Variants in TCERG1L observed in about 807,000 individuals in gnomAD.
TCERG1L encodes transcription elongation regulator 1-like protein.
A neutral mutation model predicts 56.3 loss-of-function variants in TCERG1L; 37 were observed. The ratio of observed to expected loss-of-function variants is 0.66; its 90% CI spans 0.51 to 0.87. The LOEUF (loss-of-function observed/expected upper bound fraction) is 0.87. Ranked by LOEUF, TCERG1L falls within the 40% of genes least tolerant of loss-of-function variation. The probability of loss-of-function intolerance (pLI) is 0.00; values close to 1 mark genes in which losing one functional copy is unlikely to be tolerated. For synonymous variants in TCERG1L, 324 were observed against 326.3 expected (o/e 0.99, Z 0.08); for missense variants, 799 against 774.2 (o/e 1.03, Z -0.38).
intron 3 of TCERG1L, among the ~76,000 whole-genome samples, chr10:131,275,829 G>A (rs1040122325): frequency 1.3e-5 from 2 of 152,216 alleles, no homozygotes; most frequent in African/African-American, 4.8e-5. Context: ...ATCAGCTGGT[G>A]GGGCAGATGG....
chr10:131,282,066 G>A (rs1306629340), intron 3 of TCERG1L, among the ~76,000 whole-genome samples: 1 of 147,880 alleles, frequency 6.8e-6, no homozygotes, highest in Non-Finnish European at 1.5e-5. Context: ...AACCCGGGAA[G>A]CGGAGCTTGC....
chr10:131,158,298 G>A (rs1845944583), intron 6 of TCERG1L, among the ~76,000 whole-genome samples: 1 of 152,190 alleles, frequency 6.6e-6, no homozygotes, highest in Non-Finnish European at 1.5e-5. Flanking sequence ...GTGCATATCA[G>A]AAAAATGCTG....
chr10:131,275,949 C>A (rs1468812155), intron 3 of TCERG1L, among the ~76,000 whole-genome samples: 1 of 152,130 alleles, frequency 6.6e-6, no homozygotes, highest in African/African-American at 2.4e-5. Context: ...TTTGCCTCCC[C>A]CAGACTCACT....
chr10:131,169,835 G>A (rs1046881708), intron 4 of TCERG1L, among the ~76,000 whole-genome samples: 5 of 152,170 alleles, frequency 3.3e-5, no homozygotes, highest in Admixed American at 6.5e-5. Flanking sequence ...CGAGGAGGCC[G>A]TAAGCCCATA....
intron 3 of TCERG1L, among the ~76,000 whole-genome samples, chr10:131,289,397 T>C (rs1296440101): frequency 1.3e-5 from 2 of 152,250 alleles, no homozygotes; most frequent in African/African-American, 2.4e-5. Context: ...GAAATAAAAG[T>C]GCCCACTTAT....
intron 4 of TCERG1L, among the ~76,000 whole-genome samples, chr10:131,220,861 C>A (rs1845723877): frequency 6.6e-6 from 1 of 152,218 alleles, no homozygotes. Context: ...AACCACTGTG[C>A]CCAGTCCGCC....
rs924681700 is a variant in TCERG1L, at chr10:131,174,457, A to C, written c.857-7572T>G. On this transcript the variant is annotated intron_variant, in intron 4 of 11. Coordinates refer to ENST00000368642, the MANE Select transcript of TCERG1L (RefSeq NM_174937.4). ...CGGTTGGAGAGGGCTCAGGTCAGCCAGGGCTCCAGAGGTCCCCTGGTCGGG... is the reference window on the plus strand; with the variant it reads ...CGGTTGGAGAGGGCTCAGGTCAGCCCGGGCTCCAGAGGTCCCCTGGTCGGG... 2.0e-5 allele frequency among the ~76,000 whole-genome samples: 3 copies of C among 152,190 alleles called. No individual in the cohort carries two copies. The East Asian group carries it at 5.8e-4, about 30-fold the overall frequency.
chr10:131,194,843 C>T (rs554362563), intron 4 of TCERG1L, among the ~76,000 whole-genome samples: 6 of 152,138 alleles, frequency 3.9e-5, no homozygotes, highest in Non-Finnish European at 7.4e-5. Context: ...ATCTGAGTCC[C>T]GGAAACATAT....
chr10:131,192,845 T>C (rs1845318696), intron 4 of TCERG1L, among the ~76,000 whole-genome samples: 1 of 143,762 alleles, frequency 7.0e-6, no homozygotes. Context: ...AAATAGACAC[T>C]GGAGACTAAG....
At chr10:131,202,699 C>A (rs1173188297) in intron 4 of TCERG1L, among the ~76,000 whole-genome samples, 1 of 152,174 alleles carries the variant, frequency 6.6e-6, no homozygotes, top group Non-Finnish European at 1.5e-5. Flanking sequence ...ATCCTCTCCA[C>A]ATTTTCAGGA....
intron 6 of TCERG1L, among the ~76,000 whole-genome samples, chr10:131,148,553 C>T (rs1433066680): frequency 1.4e-5 from 2 of 144,610 alleles, no homozygotes; most frequent in Non-Finnish European, 3.1e-5. Context: ...CACACACATG[C>T]AGAGAAACAC....
chr10:131,097,410 C>G lies in TCERG1L; in HGVS notation c.1604+896G>C, dbSNP rs1481490092. ...TCGCCCAGGTTGGAGTGCAGTGGTGCAATCAAGGCTCACTGCAAGCTCCGC... is the reference window on the plus strand; with the variant it reads ...TCGCCCAGGTTGGAGTGCAGTGGTGGAATCAAGGCTCACTGCAAGCTCCGC... On this transcript the variant is annotated intron_variant, in intron 11 of 11. Transcript: ENST00000368642. 2.0e-5 allele frequency among the ~76,000 whole-genome samples: 3 copies of G among 152,112 alleles called. No homozygotes were observed. The East Asian group carries it at 5.8e-4, about 29-fold the overall frequency.
intron 6 of TCERG1L, among the ~76,000 whole-genome samples, chr10:131,150,371 G>C (rs1364767384): frequency 6.6e-6 from 1 of 152,230 alleles, no homozygotes; most frequent in African/African-American, 2.4e-5. Context: ...AGAGCTGCTA[G>C]GTGCACACAG....
At chr10:131,234,632 A>G (rs945194084) in intron 4 of TCERG1L, among the ~76,000 whole-genome samples, 2 of 152,210 alleles carry the variant, frequency 1.3e-5, no homozygotes, top group Non-Finnish European at 2.9e-5. Flanking sequence ...GCACCTTGGA[A>G]GAAGTCGTTG....
At chr10:131,136,929 C>A (rs1167186575) in intron 7 of TCERG1L, among the ~76,000 whole-genome samples, 1 of 151,526 alleles carries the variant, frequency 6.6e-6, no homozygotes, top group Non-Finnish European at 1.5e-5. Flanking sequence ...ATCATGAGGT[C>A]AGGAGTTCGA....
intron 7 of TCERG1L, among the ~76,000 whole-genome samples, chr10:131,139,707 T>A (rs1308634044): frequency 6.6e-6 from 1 of 152,054 alleles, no homozygotes; most frequent in African/African-American, 2.4e-5. Context: ...TGTGTGTGTG[T>A]GTGTCTGTGT....
At chr10:131,217,979 CTCCCA>C (rs982464601) in intron 4 of TCERG1L, among the ~76,000 whole-genome samples, 1 of 152,140 alleles carries the variant, frequency 6.6e-6, no homozygotes, top group Non-Finnish European at 1.5e-5. Flanking sequence ...CCGTCTTGGC[CTCCCA>C]AAGTGCTGGG....
Position 131,172,599 on chromosome 10 carries a change from G to A in TCERG1L, c.857-5714C>T, listed in dbSNP as rs542832657. 9.8e-5 allele frequency among the ~76,000 whole-genome samples: 15 copies of A among 152,298 alleles called. No individual in the cohort carries two copies. The South Asian group carries it at 2.9e-3, about 29-fold the overall frequency. ...CATCCATATCACGCGTGCTCCACGC[G>A]CGCTGGCTCCGCTCGCAGCTGGGAG... is the stretch of plus-strand genomic sequence containing the variant. On this transcript the variant is annotated intron_variant, in intron 4 of 11. Coordinates refer to ENST00000368642, the MANE Select transcript of TCERG1L (RefSeq NM_174937.4).
intron 3 of TCERG1L, among the ~76,000 whole-genome samples, chr10:131,276,819 C>T (rs535988984): frequency 2.6e-5 from 4 of 152,276 alleles, no homozygotes; most frequent in East Asian, 1.9e-4. Context: ...CAGTGGATCG[C>T]GGATAAATGT....
Sources: allele counts gnomAD v4.1 joint callset (sites outside exome capture counted in the v4.1 genomes callset), GRCh38; gene constraint gnomAD v4.1.1; transcripts MANE v1.5; gene names NCBI Gene and HGNC (gene_info 2026-07-23, HGNC 2026-07-21).